Variants in SLC22A25 observed in about 807,000 individuals in gnomAD.
SLC22A25 encodes the protein solute carrier family 22 member 25, also known as MGI:2442751, MGI:2385316, MGI:3042283, MGI:3645714, MGI:3605624, MGI:2442750.
Under a neutral mutation model 45.9 loss-of-function variants are expected in SLC22A25, and 44 were observed. That is an observed-to-expected ratio of 0.96 (90% CI 0.75 to 1.23). The LOEUF is 1.23. SLC22A25 is among the 50% of genes most tolerant of loss of function. SLC22A25 has a pLI of 0.00. For synonymous variants in SLC22A25, 283 were observed against 238.6 expected, an observed-to-expected ratio of 1.19 and a Z score of -1.72; for missense variants, 800 against 666.4, an observed-to-expected ratio of 1.20 and a Z score of -2.21.
Position 63,180,761 on chromosome 11 carries a change from G to A in SLC22A25, c.969C>T (p.Thr323=). 1.2e-6 allele frequency: 2 copies of A among 1,612,626 alleles called. No individual in the cohort carries two copies. The highest frequency in any genetic ancestry group is 1.7e-6 in the Non-Finnish European group (2 of 1,179,252). The change falls in exon 9 of 12, where the codon ACC becomes ACT. Residue 323 remains threonine (T), a synonymous_variant. Coordinates refer to ENST00000306494, the MANE Select transcript of SLC22A25 (RefSeq NM_199352.6). ...DILTMEVLKS[T]MKQELEAAQK... ...GTGCTGCCTCCAGTTCTTGCTTCAT[G>A]GTGGATTTCAAAACCTTCAACAACA...
intron 9 of SLC22A25, among the ~76,000 whole-genome samples, chr11:63,178,198 C>T (rs2088187381): frequency 6.6e-6 from 1 of 151,712 alleles, no homozygotes; most frequent in Non-Finnish European, 1.5e-5. Flanking sequence ...GCCAATATAC[C>T]CCATTTTCTT....
At chr11:63,170,757 C>A (rs1361493822) in intron 9 of SLC22A25, among the ~76,000 whole-genome samples, 2 of 148,728 alleles carry the variant, frequency 1.3e-5, no homozygotes, top group South Asian at 4.1e-4. Flanking sequence ...TGGAACAATT[C>A]CTTCTGAAAA....
Position 63,194,327 on chromosome 11 carries a change from C to A in SLC22A25, c.831-10510G>T, listed in dbSNP as rs182603149. 2.9e-3 allele frequency among the ~76,000 whole-genome samples: 439 copies of A among 152,258 alleles called. 9 individuals carry two copies. The highest frequency in any genetic ancestry group is 3.4e-3 in the Non-Finnish European group (233 of 68,020). On this transcript the variant is annotated intron_variant, in intron 7 of 11. Transcript: ENST00000306494. ...AAATACAGAGAACGCCACAAAGATA[C>A]TCCTCAAGAAGAGCAACCCCAAGAC... is the stretch of plus-strand genomic sequence containing the variant.
chr11:63,226,925 C>T (rs1189308970), intron 5 of SLC22A25, among the ~76,000 whole-genome samples: 1 of 152,188 alleles, frequency 6.6e-6, no homozygotes, highest in Non-Finnish European at 1.5e-5. Flanking sequence ...GTGTCCAATA[C>T]CGCCACAGGC....
intron 7 of SLC22A25, among the ~76,000 whole-genome samples, chr11:63,192,922 T>C (rs1176653099): frequency 1.3e-5 from 2 of 152,148 alleles, no homozygotes; most frequent in Non-Finnish European, 2.9e-5. Context: ...ATTAGACAGA[T>C]CATCAAGACA....
chr11:63,192,622 C>T (rs2134757428), intron 7 of SLC22A25, among the ~76,000 whole-genome samples: 1 of 152,110 alleles, frequency 6.6e-6, no homozygotes, highest in East Asian at 1.9e-4. Flanking sequence ...CACACAGGCT[C>T]AAAGTTAAGG....
intron 7 of SLC22A25, among the ~76,000 whole-genome samples, chr11:63,210,502 G>A (rs1481691361): frequency 6.6e-6 from 1 of 152,156 alleles, no homozygotes; most frequent in Non-Finnish European, 1.5e-5. Context: ...GCCCCGAAAA[G>A]GAAAAGGATG....
chr11:63,222,838 A>G (rs1423962324), intron 5 of SLC22A25, among the ~76,000 whole-genome samples: 1 of 151,784 alleles, frequency 6.6e-6, no homozygotes, highest in Non-Finnish European at 1.5e-5. Context: ...TTTATCATGA[A>G]GCAATGTTTA....
At chr11:63,217,258 A>G in intron 7 of SLC22A25, 56 bp downstream of exon 7, 2 of 1,576,248 alleles carry the variant, frequency 1.3e-6, no homozygotes, top group Admixed American at 1.7e-5. Flanking sequence ...TCCTCATTCC[A>G]TGTACATCTG....
chr11:63,192,355 G>T (rs1590832666), intron 7 of SLC22A25, among the ~76,000 whole-genome samples: 1 of 152,240 alleles, frequency 6.6e-6, no homozygotes, highest in South Asian at 2.1e-4. Context: ...ATATGGAAAA[G>T]AAAGTCCATT....
chr11:63,192,495 C>T (rs189654046), intron 7 of SLC22A25, among the ~76,000 whole-genome samples: 147 of 152,184 alleles, frequency 9.7e-4, no homozygotes, highest in Non-Finnish European at 1.5e-3. Flanking sequence ...TCAATACTAA[C>T]CTTAAATGTA....
intron 9 of SLC22A25, among the ~76,000 whole-genome samples, chr11:63,170,518 G>A (rs578261210): frequency 1.2e-4 from 19 of 152,124 alleles, no homozygotes; most frequent in East Asian, 1.9e-4. Flanking sequence ...ACAAACTACC[G>A]TCAGAGAATA....
intron 7 of SLC22A25, among the ~76,000 whole-genome samples, chr11:63,192,838 A>C (rs1384122014): frequency 6.6e-6 from 1 of 152,238 alleles, no homozygotes; most frequent in Non-Finnish European, 1.5e-5. Flanking sequence ...TTCATAAAGC[A>C]AGTTCTTAGA....
At chr11:63,237,677 C>G (rs573139125) in intron 3 of SLC22A25, among the ~76,000 whole-genome samples, 3 of 152,304 alleles carry the variant, frequency 2.0e-5, no homozygotes, top group Admixed American at 2.0e-4. Flanking sequence ...TTTCCAAACC[C>G]TGACCTGTCA....
intron 7 of SLC22A25, among the ~76,000 whole-genome samples, chr11:63,202,938 G>A (rs1174510376): frequency 6.6e-6 from 1 of 152,188 alleles, no homozygotes; most frequent in Non-Finnish European, 1.5e-5. Context: ...TGCCCCTCTG[G>A]GATGAAACTT....
chr11:63,169,094 A>C (rs1484929509), intron 9 of SLC22A25, among the ~76,000 whole-genome samples: 1 of 152,206 alleles, frequency 6.6e-6, no homozygotes, highest in Non-Finnish European at 1.5e-5. Context: ...AGGAGAAATA[A>C]AATTCTTTCC....
At chr11:63,216,025 G>T (rs1032273460) in intron 7 of SLC22A25, among the ~76,000 whole-genome samples, 1 of 152,108 alleles carries the variant, frequency 6.6e-6, no homozygotes, top group Non-Finnish European at 1.5e-5. Context: ...GGGCATTCAG[G>T]TTGATTCCAT....
At chr11:63,242,488 G>C (rs551511295) in intron 1 of SLC22A25, among the ~76,000 whole-genome samples, 2 of 152,226 alleles carry the variant, frequency 1.3e-5, no homozygotes, top group African/African-American at 4.8e-5. Context: ...TAATATCGTT[G>C]CTTCCTTGGC....
chr11:63,166,371 T>A (rs2087685748), intron 9 of SLC22A25, 113 bp from the exon 10 acceptor site: 8 of 1,465,488 alleles, frequency 5.5e-6, no homozygotes, highest in African/African-American at 1.4e-5. Flanking sequence ...AAAGGCAGAG[T>A]GTGTTTTGTG....
Sources: gnomAD v4.1 joint callset for allele counts (sites outside exome capture counted in the v4.1 genomes callset) on GRCh38, gnomAD v4.1.1 for gene constraint, MANE v1.5 for transcripts, NCBI Gene and HGNC (gene_info 2026-07-23, HGNC 2026-07-21) for gene names.